The following ADAMTS5 variants were observed in gnomAD, a reference collection of about 807,000 sequenced individuals.
ADAMTS5 encodes A disintegrin and metalloproteinase with thrombospondin motifs 5.
A neutral mutation model predicts 81.4 loss-of-function variants in ADAMTS5; 54 were observed. The ratio of observed to expected loss-of-function variants is 0.66; its 90% CI spans 0.53 to 0.83. The LOEUF is 0.83. Ranked by LOEUF, ADAMTS5 falls within the 40% of genes least tolerant of loss-of-function variation. The pLI, the probability that ADAMTS5 is intolerant of heterozygous loss-of-function variation, is 0.00. For missense variants in ADAMTS5, 1,194 were observed against 1,229.9 expected, an observed-to-expected ratio of 0.97 and a Z score of 0.44; for synonymous variants, 532 against 508.8, an observed-to-expected ratio of 1.05 and a Z score of -0.61.
Position 26,929,977 on chromosome 21 carries a change from T to C in ADAMTS5, c.2134A>G (p.Ile712Val). 1 of 1,614,192 alleles carries C rather than the reference T, an allele frequency of 6.2e-7. No homozygotes were observed. The highest frequency in any genetic ancestry group is 8.5e-7 in the Non-Finnish European group (1 of 1,180,014). Residue 712 changes from isoleucine to valine, a missense_variant, in exon 7 of 8, where the codon ATT becomes GTT. Physicochemically the swap from Ile to Val is conservative, Grantham distance 29. This residue lies in a region of ADAMTS5 where 696 missense variants were observed against 817.6 expected (regional missense o/e 0.85). Transcript: ENST00000284987. ...KCVRTGCDGI[I>V]GSKLQYDKCG... The stretch of plus-strand genomic sequence containing the variant: ...TTGTCATACTGCAGCTTTGAGCCAA[T>C]GATGCCGTCACAGCCAGTTCTCACA...
chr21:26,950,385 A>G (rs1449055501), intron 2 of ADAMTS5, among the ~76,000 whole-genome samples: 1 of 152,194 alleles, frequency 6.6e-6, no homozygotes, highest in Non-Finnish European at 1.5e-5. Flanking sequence ...CAAAATGTAA[A>G]CTTACACTAA....
chr21:26,926,863 C>G (rs962081360), intron 7 of ADAMTS5, among the ~76,000 whole-genome samples: 2 of 151,944 alleles, frequency 1.3e-5, no homozygotes, highest in African/African-American at 4.8e-5. Flanking sequence ...GTAAGGGAAG[C>G]TTTTTTGGGT....
intron 1 of ADAMTS5, among the ~76,000 whole-genome samples, chr21:26,957,788 C>T (rs2123204356): frequency 1.3e-5 from 2 of 152,232 alleles, no homozygotes; most frequent in South Asian, 4.1e-4. Flanking sequence ...GACATTGTAT[C>T]TAACTCAGAA....
intron 2 of ADAMTS5, among the ~76,000 whole-genome samples, chr21:26,949,558 C>T (rs1483135562): frequency 1.3e-5 from 2 of 152,054 alleles, no homozygotes; most frequent in East Asian, 3.9e-4. Context: ...AAAAATCACT[C>T]AGCAAGTGTG....
chr21:26,924,559 A>G lies in ADAMTS5; in HGVS notation c.2287T>C (p.Phe763Leu), dbSNP rs1343686414. ...EGATHIKVRQ[F>L]KAKDQTRFTA... ...AATCTAGTCTGGTCTTTGGCTTTGA[A>G]CTGTCGAACTTTTATGTGGGTTGCC... The change falls in exon 8 of 8, where the codon TTC becomes CTC. Residue 763 changes from phenylalanine (F) to leucine (L), a missense_variant. Transcript: ENST00000284987. 6.2e-7 allele frequency: 1 copy of G among 1,614,096 alleles called. No homozygotes were observed. Among genetic ancestry groups the G allele is most frequent in the Non-Finnish European group, 8.5e-7 (1 of 1,180,024 alleles).
chr21:26,943,690 TC>T, intron 2 of ADAMTS5, 143 bp from the exon 3 acceptor site: 2 of 722,244 alleles, frequency 2.8e-6, no homozygotes, highest in Non-Finnish European at 4.4e-6. Flanking sequence ...AGACTGGACC[TC>T]CAGGGAAATA....
rs458504 is a variant in ADAMTS5 at position 26,921,568 on chromosome 21, G to C, written c.*2485C>G. 6.6e-6 allele frequency: 1 copy of C among 152,120 alleles called. No individual in the cohort carries two copies. Among genetic ancestry groups the C allele is most frequent in the Non-Finnish European group, 1.5e-5 (1 of 67,892 alleles). 9.4% of individuals were successfully genotyped at this position (152,120 alleles called of 1,614,324 possible). On this transcript the variant is annotated 3_prime_UTR_variant, in exon 8 of 8. Coordinates refer to ENST00000284987, the MANE Select transcript of ADAMTS5 (RefSeq NM_007038.5). ...TACGAAGTCAAAGTGGACTGACTTA[G>C]ATTGAGTTGTATAGAATTTTCCCTT...
chr21:26,955,614 G>A (rs1987411001), intron 1 of ADAMTS5, among the ~76,000 whole-genome samples: 1 of 152,106 alleles, frequency 6.6e-6, no homozygotes, highest in Non-Finnish European at 1.5e-5. Context: ...CAATAATGGT[G>A]AAAAATGATC....
rs372324837 is a variant in ADAMTS5 at position 26,934,706 on chromosome 21, G to A, written c.1449C>T (p.Pro483=). The A allele has an allele frequency of 6.6e-5, 107 of 1,614,000 alleles. No homozygotes were observed. The highest frequency in any genetic ancestry group is 5.5e-4 in the African/African-American group (41 of 74,890). ...CGTAGGTCTGTCCTGGGAGTTCTTC[G>A]GGGCCCAGGATCTGCTTTCGTGGTA... ...LDLPRKQILG[P]EELPGQTYDA... Residue 483 remains proline (P), a synonymous_variant, in exon 4 of 8, where the codon CCC becomes CCT. Transcript: ENST00000284987.
Position 26,919,943 on chromosome 21 carries a change from T to C in ADAMTS5, c.*4110A>G, listed in dbSNP as rs1986659277. The C allele has an allele frequency of 6.6e-6, 1 of 152,140 alleles. No individual in the cohort carries two copies. Among genetic ancestry groups the C allele is most frequent in the Non-Finnish European group, 1.5e-5 (1 of 67,990 alleles). 9.4% of individuals were successfully genotyped at this position (152,140 alleles called of 1,614,324 possible). A position where few individuals can be genotyped will look rare whatever the true frequency, so the allele number is the denominator to read the frequency against. On this transcript the variant is annotated 3_prime_UTR_variant, in exon 8 of 8. Coordinates refer to ENST00000284987, the MANE Select transcript of ADAMTS5 (RefSeq NM_007038.5). ...TTAAAGCTTTAAATGACCATTTCTG[T>C]ACACATGGCTATTTCATTTATTTAG...
chr21:26,949,917 A>G (rs1386503545), intron 2 of ADAMTS5, among the ~76,000 whole-genome samples: 2 of 152,208 alleles, frequency 1.3e-5, no homozygotes, highest in Non-Finnish European at 2.9e-5. Context: ...TGGTGTTTCA[A>G]GAACCTCTGC....
rs532699369 is a variant in ADAMTS5, at chr21:26,932,923, C to T, written c.1811G>A (p.Arg604His). Residue 604 changes from arginine to histidine, a missense_variant, in exon 5 of 8, where the codon CGC (arginine) becomes CAC (histidine). By Grantham distance (29) the Arg-to-His change is conservative (BLOSUM62 0). Coordinates refer to ENST00000284987, the MANE Select transcript of ADAMTS5 (RefSeq NM_007038.5). ...GATGGCCCTCTTCCCTGTGCAGTAG[C>T]GTCCGTTGTTTCTGGGAGCAGGGTT... is the stretch of plus-strand genomic sequence containing the variant. ...CNNPAPRNNG[R>H]YCTGKRAIYR... 29 of 1,614,030 alleles carry T rather than the reference C, an allele frequency of 1.8e-5. No individual in the cohort carries two copies. Among genetic ancestry groups the T allele is most frequent in the Middle Eastern group, 1.6e-4 (1 of 6,062 alleles).
At chr21:26,963,156 T>TAG (rs1479099468) in intron 1 of ADAMTS5, among the ~76,000 whole-genome samples, 17 of 152,152 alleles carry the variant, frequency 1.1e-4, no homozygotes, top group Admixed American at 4.6e-4. Flanking sequence ...TTTCCATGTG[T>TAG]AGACTAGTTT....
At chr21:26,930,147 T>C in intron 6 of ADAMTS5, 86 bp from the exon 7 acceptor site, 1 of 1,422,074 alleles carries the variant, frequency 7.0e-7, no homozygotes, top group Middle Eastern at 2.0e-4. Context: ...TCATTTGTGA[T>C]TTTTTGAGTT....
chr21:26,961,472 C>T (rs1275326963), intron 1 of ADAMTS5, among the ~76,000 whole-genome samples: 2 of 152,218 alleles, frequency 1.3e-5, no homozygotes, highest in South Asian at 2.1e-4. Context: ...TCAGAGTTTT[C>T]CTAACAGTAG....
At chr21:26,937,586 A>C (rs1414264474) in intron 3 of ADAMTS5, among the ~76,000 whole-genome samples, 1 of 152,248 alleles carries the variant, frequency 6.6e-6, no homozygotes, top group Non-Finnish European at 1.5e-5. Flanking sequence ...AGTAACAAAA[A>C]TCAATACAGA....
At chr21:26,941,321 CT>C (rs1987109780) in intron 3 of ADAMTS5, among the ~76,000 whole-genome samples, 1 of 151,968 alleles carries the variant, frequency 6.6e-6, no homozygotes, top group African/African-American at 2.4e-5. Context: ...TGAACAAGAT[CT>C]ATTTCTATTA....
rs1433450544 is a variant in ADAMTS5 at position 26,923,089 on chromosome 21, T to C, written c.*964A>G. The stretch of plus-strand genomic sequence containing the variant: ...GTGTTGGACATGATAGAAAACTTGC[T>C]GTGTGTTTTGTACGTATATCATACA... On this transcript the variant is annotated 3_prime_UTR_variant, in exon 8 of 8. Coordinates refer to ENST00000284987, the MANE Select transcript of ADAMTS5 (RefSeq NM_007038.5). The C allele has an allele frequency of 6.6e-6, 1 of 152,204 alleles. No homozygotes were observed. The highest frequency in any genetic ancestry group is 2.4e-5 in the African/African-American group (1 of 41,460). The allele number at this position is 152,204 out of a possible 1,614,324, so 9.4% of individuals were successfully genotyped here.
At chr21:26,957,625 C>T (rs1987453728) in intron 1 of ADAMTS5, among the ~76,000 whole-genome samples, 1 of 151,586 alleles carries the variant, frequency 6.6e-6, no homozygotes, top group African/African-American at 2.4e-5. Flanking sequence ...TTTGTCATAT[C>T]AAATAAGGCT....
Sources: gnomAD v4.1 joint callset for allele counts (sites outside exome capture counted in the v4.1 genomes callset) on GRCh38, gnomAD v4.1.1 for gene constraint, gnomAD v4.1.1 regional missense constraint, MANE v1.5 for transcripts, NCBI Gene and HGNC (gene_info 2026-07-23, HGNC 2026-07-21) for gene names.